Variants in HIRA observed in about 807,000 individuals in gnomAD.
HIRA encodes protein HIRA.
A neutral mutation model predicts 126.6 loss-of-function variants in HIRA; 13 were observed. The ratio of observed to expected loss-of-function variants is 0.10; its 90% CI spans 0.07 to 0.16. The LOEUF is 0.16. HIRA is among the 10% of genes least tolerant of loss of function. The pLI is 1.00. For missense variants in HIRA, 834 were observed against 1,314.4 expected (o/e 0.63, Z 5.65); for synonymous variants, 511 against 520.0 (o/e 0.98, Z 0.24).
chr22:19,420,462 C>CAAAAAAAA (rs760003741), intron 1 of HIRA, among the ~76,000 whole-genome samples: 10 of 63,542 alleles, frequency 1.6e-4, no homozygotes, highest in Middle Eastern at 8.1e-3. Context: ...AAAACTGTCT[C>CAAAAAAAA]AAAAAAAAAA....
In HIRA at chr22:19,331,172, G is replaced by A; in HGVS notation, c.*268C>T. On this transcript the variant is annotated 3_prime_UTR_variant, in exon 25 of 25. Transcript: ENST00000263208. ...CGGCAGGCCTGGGACTGCCTTGCTG[G>A]CCCCAGGGCACCTGGGCAGAGCTCC... 1.4e-6 allele frequency: 2 copies of A among 1,387,886 alleles called. No individual in the cohort carries two copies. The highest frequency in any genetic ancestry group is 1.9e-6 in the Non-Finnish European group (2 of 1,051,758). 86.0% of individuals were successfully genotyped at this position (1,387,886 alleles called of 1,614,324 possible). A position where few individuals can be genotyped will look rare whatever the true frequency, so the allele number is the denominator to read the frequency against.
intron 8 of HIRA, among the ~76,000 whole-genome samples, chr22:19,392,684 T>A (rs2146226379): frequency 6.6e-6 from 1 of 152,320 alleles, no homozygotes; most frequent in Non-Finnish European, 1.5e-5. Context: ...AATTCCTTAT[T>A]GCCTCACTGC....
At chr22:19,417,327 A>C (rs1205109044) in intron 1 of HIRA, among the ~76,000 whole-genome samples, 1 of 152,126 alleles carries the variant, frequency 6.6e-6, no homozygotes, top group African/African-American at 2.4e-5. Flanking sequence ...CACATCCATT[A>C]AGATGGCTAC....
At chr22:19,375,567 A>T in intron 15 of HIRA, 64 bp downstream of exon 15, 1 of 1,556,228 alleles carries the variant, frequency 6.4e-7, no homozygotes, top group Non-Finnish European at 8.8e-7. Flanking sequence ...GAACACTGCC[A>T]CTGTGCTGTT....
At chr22:19,398,218 T>TCC (rs1252617165) in intron 5 of HIRA, 131 bp from the exon 6 acceptor site, 1 of 644,700 alleles carries the variant, frequency 1.6e-6, no homozygotes, top group African/African-American at 1.8e-5. Flanking sequence ...CTGAAAAAAC[T>TCC]CCCCCCAGAA....
intron 1 of HIRA, among the ~76,000 whole-genome samples, chr22:19,424,057 C>T (rs888293542): frequency 6.6e-6 from 1 of 152,224 alleles, no homozygotes; most frequent in African/African-American, 2.4e-5. Context: ...CAGCCACTTT[C>T]CATCACCAAC....
At chr22:19,350,145 T>C (rs1265251904) in intron 24 of HIRA, among the ~76,000 whole-genome samples, 2 of 152,116 alleles carry the variant, frequency 1.3e-5, no homozygotes, top group African/African-American at 4.8e-5. Flanking sequence ...GCCCTTTTAA[T>C]TTTTTTCCCA....
chr22:19,395,518 G>A (rs966262731), intron 7 of HIRA, among the ~76,000 whole-genome samples: 1 of 152,208 alleles, frequency 6.6e-6, no homozygotes, highest in Non-Finnish European at 1.5e-5. Context: ...GCAAGACTAA[G>A]TAAGGTAAAA....
intron 8 of HIRA, among the ~76,000 whole-genome samples, chr22:19,393,664 T>C (rs896056905): frequency 1.3e-5 from 2 of 152,156 alleles, no homozygotes; most frequent in South Asian, 2.1e-4. Context: ...CCGATACTTA[T>C]TATCTATTTA....
intron 24 of HIRA, among the ~76,000 whole-genome samples, chr22:19,335,015 G>A (rs1045608812): frequency 6.6e-6 from 1 of 151,708 alleles, no homozygotes; most frequent in Non-Finnish European, 1.5e-5. Flanking sequence ...TTATTTTTTG[G>A]TTTTGGTGGT....
At chr22:19,431,361 A>C (rs988491945) in intron 1 of HIRA, 79 bp downstream of exon 1, 143 of 1,483,340 alleles carry the variant, frequency 9.6e-5, no homozygotes, top group Non-Finnish European at 1.2e-4. Flanking sequence ...GACAGGCAGG[A>C]CTTGCGCGCG....
intron 1 of HIRA, among the ~76,000 whole-genome samples, chr22:19,420,247 G>A (rs951889276): frequency 1.4e-4 from 21 of 151,854 alleles, no homozygotes; most frequent in African/African-American, 5.1e-4. Context: ...CACTTGCTCT[G>A]AGGAATTCGA....
chr22:19,359,619 G>A, intron 17 of HIRA, 135 bp from the exon 18 acceptor site: 1 of 1,036,068 alleles, frequency 9.7e-7, no homozygotes, highest in African/African-American at 1.7e-5. Flanking sequence ...AGAGGAGAGG[G>A]AGGGCAGGTA....
intron 4 of HIRA, among the ~76,000 whole-genome samples, chr22:19,406,198 T>C (rs751619779): frequency 3.9e-5 from 6 of 152,214 alleles, no homozygotes; most frequent in Admixed American, 3.9e-4. Flanking sequence ...ATAGCATCTA[T>C]GCATGGAAAA....
intron 1 of HIRA, among the ~76,000 whole-genome samples, chr22:19,413,827 G>C (rs766742691): frequency 2.0e-5 from 3 of 151,948 alleles, no homozygotes; most frequent in Non-Finnish European, 4.4e-5. Context: ...AGCCAGGATG[G>C]TCTCGATCTC....
chr22:19,379,982 T>C (rs1448270159), intron 13 of HIRA, among the ~76,000 whole-genome samples: 2 of 152,110 alleles, frequency 1.3e-5, no homozygotes, highest in Non-Finnish European at 2.9e-5. Context: ...CTAATTTTTA[T>C]ATTTTTTAGT....
intron 1 of HIRA, 82 bp downstream of exon 1, chr22:19,431,358 A>G: frequency 1.4e-6 from 2 of 1,468,776 alleles, no homozygotes; most frequent in Non-Finnish European, 1.9e-6. Flanking sequence ...CGAGACAGGC[A>G]GGACTTGCGC....
At chr22:19,343,133 T>A (rs1412672671) in intron 24 of HIRA, among the ~76,000 whole-genome samples, 1 of 152,028 alleles carries the variant, frequency 6.6e-6, no homozygotes, top group African/African-American at 2.4e-5. Context: ...AGACTACACA[T>A]TGGGTACAGT....
chr22:19,340,168 A>G (rs2088610958), intron 24 of HIRA, among the ~76,000 whole-genome samples: 1 of 152,154 alleles, frequency 6.6e-6, no homozygotes, highest in Non-Finnish European at 1.5e-5. Flanking sequence ...AAAAGATAAT[A>G]CACCATGATC....
Sources: gnomAD v4.1 joint callset for allele counts (sites outside exome capture counted in the v4.1 genomes callset) on GRCh38, gnomAD v4.1.1 for gene constraint, MANE v1.5 for transcripts, NCBI Gene and HGNC (gene_info 2026-07-23, HGNC 2026-07-21) for gene names.